SPAG16: variants seen among roughly 807,000 people sequenced by gnomAD.
SPAG16 encodes the protein sperm associated antigen 16, also known as sperm-associated antigen 16 protein.
A neutral mutation model predicts 80.4 loss-of-function variants in SPAG16; 86 were observed. The observed-to-expected ratio is 1.07, with a 90% CI of 0.90 to 1.28. The LOEUF (loss-of-function observed/expected upper bound fraction) is 1.28. Among genes scored for constraint, SPAG16 ranks in the 50% most tolerant of loss-of-function variants. SPAG16 has a pLI of 0.00. For missense variants in SPAG16, 870 were observed against 765.3 expected (o/e 1.14, Z -1.61); for synonymous variants, 294 against 265.9 (o/e 1.11, Z -1.03).
intron 10 of SPAG16, among the ~76,000 whole-genome samples, chr2:213,508,814 G>A (rs1211557382): frequency 1.3e-5 from 2 of 151,874 alleles, no homozygotes; most frequent in African/African-American, 4.8e-5. Flanking sequence ...TATACCTAAT[G>A]TTAAATGACG....
At chr2:213,373,149 G>T (rs767592906) in intron 8 of SPAG16, among the ~76,000 whole-genome samples, 4 of 152,134 alleles carry the variant, frequency 2.6e-5, no homozygotes, top group Admixed American at 2.6e-4. Flanking sequence ...ACAGCCATGA[G>T]AAGCTATGAT....
chr2:213,294,312 G>C (rs561520851), intron 1 of SPAG16, among the ~76,000 whole-genome samples: 1 of 152,290 alleles, frequency 6.6e-6, no homozygotes, highest in African/African-American at 2.4e-5. Flanking sequence ...TACTTTGTTA[G>C]TGAAAGATAA....
chr2:214,212,524 A>T (rs1318449388), intron 15 of SPAG16, among the ~76,000 whole-genome samples: 2 of 152,052 alleles, frequency 1.3e-5, no homozygotes, highest in Admixed American at 6.6e-5. Flanking sequence ...AAGGCTTCAC[A>T]AGGGCTTCCA....
At chr2:213,435,435 A>G (rs1010037456) in intron 9 of SPAG16, among the ~76,000 whole-genome samples, 28 of 152,190 alleles carry the variant, frequency 1.8e-4, no homozygotes, top group Non-Finnish European at 2.9e-4. Context: ...AATGGGTACA[A>G]TGTACATTAT....
At chr2:213,938,926 C>CT (rs1316070304) in intron 12 of SPAG16, among the ~76,000 whole-genome samples, 24 of 152,024 alleles carry the variant, frequency 1.6e-4, no homozygotes, top group Admixed American at 2.6e-4. Flanking sequence ...GTAATGTTTC[C>CT]TCCCATTGTC....
At chr2:213,836,453 G>T (rs2074087981) in intron 10 of SPAG16, among the ~76,000 whole-genome samples, 1 of 151,734 alleles carries the variant, frequency 6.6e-6, no homozygotes, top group Admixed American at 6.6e-5. Context: ...TTATTATTTT[G>T]CATTTGCATT....
Position 213,537,666 on chromosome 2 carries a change from A to AT in SPAG16, c.1070+47585dup, listed in dbSNP as rs968117445. On this transcript the variant is annotated intron_variant, in intron 10 of 15. Coordinates refer to ENST00000331683, the MANE Select transcript of SPAG16 (RefSeq NM_024532.5). The stretch of plus-strand genomic sequence containing the variant: ...ATTTTTGGCAAAGCCACCTCTTAAC[A>AT]TTTTTTTTTCTGTATCTTGATTTCA... Among the ~76,000 whole-genome samples the AT allele has an allele frequency of 3.0e-4, 45 of 150,182 alleles. No individual in the cohort carries two copies. The East Asian group carries it at 5.7e-3, about 19-fold the overall frequency.
intron 9 of SPAG16, among the ~76,000 whole-genome samples, chr2:213,388,122 G>C (rs1362198735): frequency 6.6e-6 from 1 of 152,144 alleles, no homozygotes. Context: ...CCTACCTTCA[G>C]CCACCCTAGC....
intron 10 of SPAG16, among the ~76,000 whole-genome samples, chr2:213,706,732 GT>G (rs72079812): frequency 0.04 from 6,106 of 151,942 alleles, 407 homozygotes; most frequent in African/African-American, 0.14. Context: ...AAAACTTTTT[GT>G]TTTTTTTCCT....
At chr2:213,365,189 A>G (rs1221518221) in intron 8 of SPAG16, 2 of 152,206 alleles carry the variant, frequency 1.3e-5, no homozygotes, top group Non-Finnish European at 2.9e-5. Context: ...TGCCTAGTAC[A>G]TAATTAAACA....
At chr2:213,853,104 C>T (rs1464035355) in intron 10 of SPAG16, among the ~76,000 whole-genome samples, 3 of 152,306 alleles carry the variant, frequency 2.0e-5, no homozygotes, top group Non-Finnish European at 1.5e-5. Context: ...ATTTTCCACC[C>T]ACTGTGCATC....
chr2:214,149,160 TG>T lies in SPAG16; in HGVS notation c.1615del (p.Asp539MetfsTer22). 6.3e-7 allele frequency: 1 copy of T among 1,584,362 alleles called. No homozygotes were observed. The highest frequency in any genetic ancestry group is 8.6e-7 in the Non-Finnish European group (1 of 1,165,076). On this transcript the variant is annotated frameshift_variant, in exon 15 of 16. Transcript: ENST00000331683. LOFTEE classifies it high-confidence loss of function. Reference protein sequence around the residue: ...DPRGHMIASCDACGVTKLWDF... With the variant: ...DPRGHMIASCXACGVTKLWDF... ...TGAAGGGTCACATGATAGCATCCTG[TG>T]ATGCCTGTGGGGTTACAAAGCTGTG... is the stretch of plus-strand genomic sequence containing the variant.
At chr2:213,783,520 C>CA (rs1273258186) in intron 10 of SPAG16, among the ~76,000 whole-genome samples, 1 of 117,166 alleles carries the variant, frequency 8.5e-6, no homozygotes. Context: ...ACACCCTGGA[C>CA]AAAAAAATAT....
chr2:214,028,682 T>A (rs1014553736), intron 13 of SPAG16, among the ~76,000 whole-genome samples: 2 of 152,118 alleles, frequency 1.3e-5, no homozygotes, highest in African/African-American at 2.4e-5. Flanking sequence ...TATATTAACA[T>A]TGAAATCACT....
At position 213,640,789 on chromosome 2, in the gene SPAG16, TTAG is replaced by T. The variant is rs535690877; in HGVS notation, c.1070+150703_1070+150705del. Among the ~76,000 whole-genome samples the T allele has an allele frequency of 1.5e-3, 234 of 152,346 alleles. 2 individuals are homozygous for T. Among genetic ancestry groups the T allele is most frequent in the African/African-American group, 5.2e-3 (215 of 41,582 alleles). On this transcript the variant is annotated intron_variant, in intron 10 of 15. Coordinates refer to ENST00000331683, the MANE Select transcript of SPAG16 (RefSeq NM_024532.5). ...CTTCTGGTTAGCAAGGGTGTTAAAG[TTAG>T]TAGAATTAGCTGTTATTTTCTCCTT...
intron 10 of SPAG16, among the ~76,000 whole-genome samples, chr2:213,862,164 T>G (rs1482658037): frequency 6.6e-6 from 1 of 152,182 alleles, no homozygotes; most frequent in African/African-American, 2.4e-5. Flanking sequence ...TTGGCATAAT[T>G]TTTCTTCCCT....
intron 15 of SPAG16, among the ~76,000 whole-genome samples, chr2:214,282,163 C>T (rs925257645): frequency 3.9e-5 from 6 of 152,030 alleles, no homozygotes; most frequent in Non-Finnish European, 8.8e-5. Context: ...TATTGCAGAT[C>T]AATTATACTT....
chr2:214,147,114 A>C (rs933672778), intron 14 of SPAG16, among the ~76,000 whole-genome samples: 16 of 152,270 alleles, frequency 1.1e-4, no homozygotes, highest in African/African-American at 3.8e-4. Flanking sequence ...AGTTATTCAA[A>C]ATTGCTTGAA....
intron 13 of SPAG16, among the ~76,000 whole-genome samples, chr2:214,083,927 G>A (rs1403449988): frequency 6.6e-6 from 1 of 151,728 alleles, no homozygotes. Context: ...CCTAGTGTAT[G>A]CTTACTATTG....
Sources: gnomAD v4.1 joint callset for allele counts (sites outside exome capture counted in the v4.1 genomes callset) on GRCh38, gnomAD v4.1.1 for gene constraint, MANE v1.5 for transcripts, NCBI Gene and HGNC (gene_info 2026-07-23, HGNC 2026-07-21) for gene names.